Variants in CSMD1 observed in about 807,000 individuals in gnomAD.
The protein encoded by CSMD1 is CUB and Sushi multiple domains 1.
In CSMD1, 213 loss-of-function variants were observed where a neutral mutation model predicts 417.5. The observed-to-expected ratio is 0.51, with a 90% CI of 0.46 to 0.57. The LOEUF is 0.57. CSMD1 is among the 20% of genes least tolerant of loss of function. The pLI is 0.00. For missense variants in CSMD1, 6,923 were observed against 4,529.7 expected (o/e 1.53, Z -15.17); for synonymous variants, 2,862 against 1,736.8 (o/e 1.65, Z -16.11).
chr8:3,552,271 A>T (rs1798949675), intron 10 of CSMD1, among the ~76,000 whole-genome samples: 1 of 152,240 alleles, frequency 6.6e-6, no homozygotes, highest in Admixed American at 6.5e-5. Flanking sequence ...GAAAGCTTGA[A>T]TACTAATCTA....
chr8:4,913,127 G>C lies in CSMD1; in HGVS notation c.85+81205C>G, dbSNP rs537964934. Among the ~76,000 whole-genome samples the C allele has an allele frequency of 2.6e-5, 4 of 152,274 alleles. No homozygotes were observed. In the East Asian group the frequency reaches 5.8e-4, roughly 22 times the overall value. On this transcript the variant is annotated intron_variant, in intron 1 of 69. Transcript: ENST00000635120. ...TTAAAAAAAATCGTGAGGGATCACAGATCAAAGCAGAGTCCACCACTCAGA... is the reference window on the plus strand; with the variant it reads ...TTAAAAAAAATCGTGAGGGATCACACATCAAAGCAGAGTCCACCACTCAGA...
chr8:4,295,750 GTA>G (rs756556655), intron 3 of CSMD1, among the ~76,000 whole-genome samples: 1,638 of 34,206 alleles, frequency 0.048, 40 homozygotes, highest in Non-Finnish European at 0.09. Context: ...ATGTGTGTGT[GTA>G]TATATATATA....
chr8:3,789,141 G>A (rs572777339), intron 5 of CSMD1, among the ~76,000 whole-genome samples: 1 of 152,108 alleles, frequency 6.6e-6, no homozygotes, highest in South Asian at 2.1e-4. Flanking sequence ...TTGTTTTAGA[G>A]CAATGCCCCA....
intron 9 of CSMD1, among the ~76,000 whole-genome samples, chr8:3,584,175 T>A (rs1263721039): frequency 6.6e-6 from 1 of 152,180 alleles, no homozygotes; most frequent in African/African-American, 2.4e-5. Flanking sequence ...TACTATTCAA[T>A]GTTGATCAAA....
rs757110120 is a variant in CSMD1 at position 4,637,432 on chromosome 8, T to C, written c.212A>G (p.Gln71Arg). 6.2e-7 allele frequency: 1 copy of C among 1,613,846 alleles called. No individual in the cohort carries two copies. The highest frequency in any genetic ancestry group is 8.5e-7 in the Non-Finnish European group (1 of 1,179,872). ...IIITGERNRI[Q>R]LSFHTFALEE... ...AAGAGCAAAGGTATGGAAGGACAAC[T>C]GTATCCTATTGCGCTCGCCCGTGAT... Residue 71 changes from glutamine to arginine, a missense_variant, in exon 2 of 70, where the codon CAG (glutamine) becomes CGG (arginine). Gln to Arg is a conservative substitution (Grantham distance 43). Transcript: ENST00000635120.
At chr8:3,680,959 G>T (rs1183693865) in intron 7 of CSMD1, among the ~76,000 whole-genome samples, 7 of 152,156 alleles carry the variant, frequency 4.6e-5, no homozygotes, top group Non-Finnish European at 7.3e-5. Flanking sequence ...CTCAACAGAT[G>T]CAGAAAAAGC....
intron 59 of CSMD1, among the ~76,000 whole-genome samples, chr8:2,964,462 G>C (rs1803778767): frequency 6.6e-6 from 1 of 152,218 alleles, no homozygotes; most frequent in South Asian, 2.1e-4. Context: ...CTGGGGGCAG[G>C]GGGAATGGGA....
At chr8:4,063,283 AC>A (rs1330527319) in intron 3 of CSMD1, among the ~76,000 whole-genome samples, 10 of 149,606 alleles carry the variant, frequency 6.7e-5, no homozygotes, top group African/African-American at 4.9e-5. Flanking sequence ...GAACAAAAAA[AC>A]CAAAAAAGAA....
At chr8:3,902,666 C>T (rs763384995) in intron 5 of CSMD1, among the ~76,000 whole-genome samples, 1 of 152,108 alleles carries the variant, frequency 6.6e-6, no homozygotes, top group South Asian at 2.1e-4. Flanking sequence ...TGCCACTCAT[C>T]TCCTGCTGGG....
chr8:4,561,046 T>C (rs1351110783), intron 2 of CSMD1, among the ~76,000 whole-genome samples: 1 of 152,288 alleles, frequency 6.6e-6, no homozygotes, highest in East Asian at 1.9e-4. Flanking sequence ...TCCACAGGAA[T>C]TACAAATGAT....
intron 1 of CSMD1, among the ~76,000 whole-genome samples, chr8:4,674,550 G>A (rs929527107): frequency 7.2e-5 from 11 of 152,078 alleles, no homozygotes; most frequent in African/African-American, 2.7e-4. Context: ...GACCATAATA[G>A]TATTGAACAA....
intron 1 of CSMD1, among the ~76,000 whole-genome samples, chr8:4,708,128 A>AT (rs80275845): frequency 0.35 from 53,084 of 151,460 alleles, 10,157 homozygotes; most frequent in Non-Finnish European, 0.43. Context: ...ATTTTTTTTT[A>AT]TTTTTTTGTA....
chr8:2,970,265 A>G (rs1423086086), intron 57 of CSMD1, among the ~76,000 whole-genome samples: 1 of 152,166 alleles, frequency 6.6e-6, no homozygotes, highest in African/African-American at 2.4e-5. Flanking sequence ...CCCACCCTCA[A>G]CTGTTATAAT....
chr8:4,138,510 C>G (rs1803577049), intron 3 of CSMD1, among the ~76,000 whole-genome samples: 1 of 152,038 alleles, frequency 6.6e-6, no homozygotes, highest in Non-Finnish European at 1.5e-5. Context: ...TGTACAAAAT[C>G]TCAGGAGACA....
chr8:3,514,008 C>T (rs1054099759), intron 10 of CSMD1, among the ~76,000 whole-genome samples: 4 of 152,268 alleles, frequency 2.6e-5, no homozygotes, highest in South Asian at 2.1e-4. Flanking sequence ...TTCTTTTTAT[C>T]GTACAGAAAA....
intron 7 of CSMD1, among the ~76,000 whole-genome samples, chr8:3,668,989 G>A (rs1798845680): frequency 1.3e-5 from 2 of 152,130 alleles, no homozygotes; most frequent in Non-Finnish European, 2.9e-5. Context: ...GTTAGCCTGT[G>A]CTTTCACTGG....
At chr8:3,722,350 A>C (rs760006735) in intron 6 of CSMD1, among the ~76,000 whole-genome samples, 2 of 152,172 alleles carry the variant, frequency 1.3e-5, no homozygotes, top group Non-Finnish European at 2.9e-5. Context: ...GCTTTCATAA[A>C]ATCTAAGACG....
At chr8:4,585,061 G>C (rs928726143) in intron 2 of CSMD1, among the ~76,000 whole-genome samples, 1 of 148,416 alleles carries the variant, frequency 6.7e-6, no homozygotes, top group African/African-American at 2.5e-5. Context: ...AAATTACCCA[G>C]CATACCAGGA....
At chr8:3,153,342 T>A (rs1012421124) in intron 39 of CSMD1, among the ~76,000 whole-genome samples, 41 of 152,330 alleles carry the variant, frequency 2.7e-4, no homozygotes, top group African/African-American at 9.9e-4. Flanking sequence ...CCAGCAGCCC[T>A]CGGGGCTGCT....
Sources: gnomAD v4.1 joint callset for allele counts (sites outside exome capture counted in the v4.1 genomes callset) on GRCh38, gnomAD v4.1.1 for gene constraint, MANE v1.5 for transcripts, NCBI Gene and HGNC (gene_info 2026-07-23, HGNC 2026-07-21) for gene names.